USP32: variants seen among roughly 807,000 people sequenced by gnomAD.
The protein encoded by USP32 is ubiquitin specific peptidase 32.
USP32 carries 59 observed loss-of-function variants against 204.8 expected under a neutral mutation model. That is an observed-to-expected ratio of 0.29 (90% CI 0.23 to 0.36). The LOEUF (loss-of-function observed/expected upper bound fraction) is 0.36, where lower values mean the gene tolerates loss of function less well. USP32 is among the 10% of genes least tolerant of loss of function. The probability of loss-of-function intolerance (pLI) is 1.00; values close to 1 mark genes in which losing one functional copy is unlikely to be tolerated. For synonymous variants in USP32, 517 were observed against 678.4 expected, an observed-to-expected ratio of 0.76 and a Z score of 3.70; for missense variants, 1,160 against 1,946.4, an observed-to-expected ratio of 0.60 and a Z score of 7.60.
At chr17:60,195,426 C>T (rs1253712902) in intron 27 of USP32, among the ~76,000 whole-genome samples, 1 of 152,202 alleles carries the variant, frequency 6.6e-6, no homozygotes, top group Non-Finnish European at 1.5e-5. Flanking sequence ...CAACTTCCAC[C>T]TACAGGGTTG....
At chr17:60,390,775 C>T (rs1173210844) in intron 1 of USP32, among the ~76,000 whole-genome samples, 1 of 152,164 alleles carries the variant, frequency 6.6e-6, no homozygotes, top group Non-Finnish European at 1.5e-5. Context: ...TGGAGCATGG[C>T]TGATTTCTTG....
chr17:60,404,188 C>A (rs1164898850), intron 1 of USP32, among the ~76,000 whole-genome samples: 1 of 152,026 alleles, frequency 6.6e-6, no homozygotes, highest in Non-Finnish European at 1.5e-5. Context: ...GATACTGTTA[C>A]ATTTGAGGCT....
intron 1 of USP32, among the ~76,000 whole-genome samples, chr17:60,413,176 G>A (rs2090031409): frequency 6.6e-6 from 1 of 152,324 alleles, no homozygotes; most frequent in African/African-American, 2.4e-5. Flanking sequence ...TTGGAGAGAT[G>A]CTCATGACTT....
At chr17:60,299,837 G>A (rs991224617) in intron 3 of USP32, among the ~76,000 whole-genome samples, 1 of 152,060 alleles carries the variant, frequency 6.6e-6, no homozygotes, top group East Asian at 1.9e-4. Flanking sequence ...CCATCAATTC[G>A]GTGTCTGGTG....
chr17:60,225,209 T>C (rs2085352236), intron 13 of USP32, among the ~76,000 whole-genome samples: 1 of 152,092 alleles, frequency 6.6e-6, no homozygotes, highest in Non-Finnish European at 1.5e-5. Flanking sequence ...TCCCAGCACT[T>C]TGAGAGGCTG....
chr17:60,406,749 C>T (rs1389710988), intron 1 of USP32, among the ~76,000 whole-genome samples: 2 of 151,718 alleles, frequency 1.3e-5, no homozygotes, highest in East Asian at 3.9e-4. Context: ...CTCCTGACCT[C>T]GTGATCCACC....
At chr17:60,284,715 A>AT (rs1255830557) in intron 5 of USP32, among the ~76,000 whole-genome samples, 1 of 150,818 alleles carries the variant, frequency 6.6e-6, no homozygotes, top group African/African-American at 2.5e-5. Context: ...TTTCAAAGTA[A>AT]TTTTTTAATC....
chr17:60,263,711 C>T (rs538810050), intron 9 of USP32, among the ~76,000 whole-genome samples: 6 of 152,250 alleles, frequency 3.9e-5, no homozygotes, highest in Admixed American at 6.5e-5. Context: ...CTCATACACA[C>T]GAAATAGAAG....
At chr17:60,385,201 G>A (rs919593171) in intron 1 of USP32, among the ~76,000 whole-genome samples, 1 of 151,966 alleles carries the variant, frequency 6.6e-6, no homozygotes, top group Non-Finnish European at 1.5e-5. Context: ...GGCACCTCGT[G>A]ACCCCCGCCC....
At chr17:60,242,447 G>A (rs984486250) in intron 11 of USP32, among the ~76,000 whole-genome samples, 24 of 151,706 alleles carry the variant, frequency 1.6e-4, no homozygotes, top group Admixed American at 5.9e-4. Context: ...GAGTCTCACC[G>A]TCACCCAGGC....
chr17:60,355,857 G>GA (rs60937652), intron 1 of USP32, among the ~76,000 whole-genome samples: 6,277 of 43,024 alleles, frequency 0.15, 314 homozygotes, highest in Non-Finnish European at 0.29. Context: ...GAGAGAGAAA[G>GA]AAAAAAAAAA....
At chr17:60,231,716 A>C (rs2085556110) in intron 12 of USP32, 1 of 416,262 alleles carries the variant, frequency 2.4e-6, no homozygotes, top group East Asian at 5.8e-5. Flanking sequence ...TCTGCATGTG[A>C]ATAGTAATAG....
chr17:60,380,324 T>C (rs1598302498), intron 1 of USP32, among the ~76,000 whole-genome samples: 1 of 152,168 alleles, frequency 6.6e-6, no homozygotes, highest in Non-Finnish European at 1.5e-5. Context: ...CCCAACACTT[T>C]GGGAGGCTGT....
chr17:60,404,915 G>A (rs934538852), intron 1 of USP32, among the ~76,000 whole-genome samples: 13 of 152,074 alleles, frequency 8.5e-5, no homozygotes, highest in Non-Finnish European at 1.3e-4. Context: ...ATGACTCCAC[G>A]CCTGTAATCC....
intron 11 of USP32, among the ~76,000 whole-genome samples, chr17:60,250,022 T>A (rs237968): frequency 0.21 from 31,125 of 151,822 alleles, 7,388 homozygotes; most frequent in African/African-American, 0.58. Flanking sequence ...AAACAAATTT[T>A]AAAAAAAACC....
At chr17:60,322,374 A>G (rs1479425394) in intron 2 of USP32, among the ~76,000 whole-genome samples, 2 of 152,222 alleles carry the variant, frequency 1.3e-5, no homozygotes, top group East Asian at 1.9e-4. Flanking sequence ...TAAGCATTAT[A>G]CTAAAAGCCA....
chr17:60,303,148 A>G (rs1010123014), intron 2 of USP32, among the ~76,000 whole-genome samples: 3 of 152,232 alleles, frequency 2.0e-5, no homozygotes, highest in African/African-American at 7.2e-5. Context: ...AAATAGCTAC[A>G]GAACATTAAA....
intron 12 of USP32, among the ~76,000 whole-genome samples, chr17:60,227,582 C>A (rs962153654): frequency 9.3e-5 from 13 of 139,716 alleles, no homozygotes; most frequent in African/African-American, 2.9e-4. Context: ...TTTTTCTTTT[C>A]TTTTTTTTTT....
In USP32 at chr17:60,288,714, T is replaced by C. The variant is rs1187548936; in HGVS notation, c.412-32A>G. On this transcript the variant is annotated intron_variant, in intron 4 of 33. Coordinates refer to ENST00000300896, the MANE Select transcript of USP32 (RefSeq NM_032582.4). ...TTAAAACAAGAAAACATAAGTTTAG[T>C]CAAATTTTAAGGTATCTTACTTGGA... 7 of 1,576,602 alleles carry C rather than the reference T, an allele frequency of 4.4e-6. No individual in the cohort carries two copies. The African/African-American group carries it at 9.6e-5, about 22-fold the overall frequency.
Sources: gnomAD v4.1 joint callset for allele counts (sites outside exome capture counted in the v4.1 genomes callset) on GRCh38, gnomAD v4.1.1 for gene constraint, MANE v1.5 for transcripts, NCBI Gene and HGNC (gene_info 2026-07-23, HGNC 2026-07-21) for gene names.